Variants in NTRK2 observed in about 807,000 individuals in gnomAD.
NTRK2 encodes the protein BDNF/NT-3 growth factors receptor.
A neutral mutation model predicts 94.5 loss-of-function variants in NTRK2; 13 were observed. The ratio of observed to expected loss-of-function variants is 0.14; its 90% CI spans 0.09 to 0.22. The LOEUF (loss-of-function observed/expected upper bound fraction) is 0.22, where lower values mean the gene tolerates loss of function less well. Among genes scored for constraint, NTRK2 ranks in the 10% least tolerant of loss-of-function variants. NTRK2 has a pLI of 1.00. For missense variants in NTRK2, 639 were observed against 1,071.2 expected, an observed-to-expected ratio of 0.60 and a Z score of 5.63; for synonymous variants, 372 against 407.4, an observed-to-expected ratio of 0.91 and a Z score of 1.05.
Position 84,801,415 on chromosome 9 carries a change from C to G in NTRK2, c.1396+49330C>G, listed in dbSNP as rs181724575. ...GTGGTACTAGTTAGTACAGACAGTC[C>G]CTGACTTAGGATGGTTCAACTTAGA... is the stretch of plus-strand genomic sequence containing the variant. On this transcript the variant is annotated intron_variant, in intron 12 of 18. Coordinates refer to ENST00000277120, the MANE Select transcript of NTRK2 (RefSeq NM_006180.6). Among the ~76,000 whole-genome samples the G allele has an allele frequency of 2.2e-3, 328 of 152,126 alleles. 3 individuals are homozygous for G. Among genetic ancestry groups the G allele is most frequent in the African/African-American group, 7.6e-3 (317 of 41,498 alleles).
At position 85,026,488 on chromosome 9, in the gene NTRK2, C is replaced by G; in HGVS notation, c.*5051C>G. On this transcript the variant is annotated 3_prime_UTR_variant, in exon 19 of 19. Coordinates refer to ENST00000277120, the MANE Select transcript of NTRK2 (RefSeq NM_006180.6). ...TTGCAGCTTGTATATCTTACTATTG[C>G]TTAAAAAATGTATAAAGCAGCTGGA... The G allele has an allele frequency of 4.3e-6, 1 of 232,276 alleles. No individual in the cohort carries two copies. Among genetic ancestry groups the G allele is most frequent in the Non-Finnish European group, 8.5e-6 (1 of 117,474 alleles). 14.4% of individuals were successfully genotyped at this position (232,276 alleles called of 1,614,324 possible).
chr9:84,894,296 C>A (rs185094362), intron 14 of NTRK2, among the ~76,000 whole-genome samples: 146 of 152,284 alleles, frequency 9.6e-4, no homozygotes, highest in African/African-American at 3.4e-3. Flanking sequence ...TGTAGTTTAA[C>A]GCGACACAGT....
chr9:84,972,683 A>G (rs925653673), intron 17 of NTRK2, among the ~76,000 whole-genome samples: 1 of 152,228 alleles, frequency 6.6e-6, no homozygotes, highest in Non-Finnish European at 1.5e-5. Flanking sequence ...AGTTTTAGAA[A>G]TGAATTCCTA....
At chr9:84,715,734 A>ACTT (rs2061674940) in intron 6 of NTRK2, among the ~76,000 whole-genome samples, 2 of 152,094 alleles carry the variant, frequency 1.3e-5, no homozygotes, top group African/African-American at 4.8e-5. Context: ...TCTCCCTGCT[A>ACTT]CTTCTTCAAG....
intron 12 of NTRK2, among the ~76,000 whole-genome samples, chr9:84,828,192 G>A (rs746509002): frequency 6.6e-6 from 1 of 152,042 alleles, no homozygotes; most frequent in Non-Finnish European, 1.5e-5. Context: ...TACATTTTTG[G>A]CATTACATCT....
chr9:84,979,954 C>T lies in NTRK2; in HGVS notation c.2172+24437C>T, dbSNP rs137864642. 2.0e-4 allele frequency among the ~76,000 whole-genome samples: 30 copies of T among 152,292 alleles called. No individual in the cohort carries two copies. The East Asian group carries it at 3.3e-3, about 17-fold the overall frequency. ...CTACATTGTTTTTATTTAGCTATAA[C>T]GCTATTGCATACATAATAAACCACA... On this transcript the variant is annotated intron_variant, in intron 17 of 18. Coordinates refer to ENST00000277120, the MANE Select transcript of NTRK2 (RefSeq NM_006180.6).
intron 12 of NTRK2, among the ~76,000 whole-genome samples, chr9:84,809,583 G>T (rs2071519034): frequency 6.6e-6 from 1 of 151,032 alleles, no homozygotes; most frequent in Non-Finnish European, 1.5e-5. Flanking sequence ...TTTATATTAG[G>T]ATTCTTAGAA....
chr9:84,736,301 C>T (rs998080262), intron 9 of NTRK2, among the ~76,000 whole-genome samples: 2 of 152,174 alleles, frequency 1.3e-5, no homozygotes, highest in African/African-American at 2.4e-5. Context: ...GTCTCCTATG[C>T]GAAATGCGCG....
At position 84,939,068 on chromosome 9, in the gene NTRK2, A is replaced by AAAG. The variant is rs1368397499; in HGVS notation, c.1764+4778_1764+4779insGAA. 8.9e-5 allele frequency among the ~76,000 whole-genome samples: 12 copies of AAAG among 134,540 alleles called. No homozygotes were observed. The East Asian group carries it at 2.6e-3, about 30-fold the overall frequency. 88.3% of individuals were successfully genotyped at this position (134,540 alleles called of 152,430 possible). ...CCCCAACTCAAAAAAAAAAAAAAAAAAAAGAAAAGAAAAGAAAAAAAAAGA... is the reference window on the plus strand; with the variant it reads ...CCCCAACTCAAAAAAAAAAAAAAAAAAAGAAAGAAAAGAAAAGAAAAAAAAAGA... On this transcript the variant is annotated intron_variant, in intron 15 of 18. Transcript: ENST00000277120.
At chr9:84,993,549 A>G (rs145381293) in intron 17 of NTRK2, among the ~76,000 whole-genome samples, 1,609 of 152,340 alleles carry the variant, frequency 0.011, 14 homozygotes, top group Middle Eastern at 0.02. Context: ...CTCCCACTGC[A>G]ATCCCTACTC....
At chr9:84,792,023 G>A (rs566677669) in intron 12 of NTRK2, among the ~76,000 whole-genome samples, 1 of 152,312 alleles carries the variant, frequency 6.6e-6, no homozygotes, top group South Asian at 2.1e-4. Flanking sequence ...TTTATTCCCA[G>A]TTTTCATCAT....
intron 12 of NTRK2, among the ~76,000 whole-genome samples, chr9:84,806,150 G>A (rs1489738522): frequency 6.6e-6 from 1 of 152,182 alleles, no homozygotes; most frequent in Non-Finnish European, 1.5e-5. Context: ...ATGTATAGAT[G>A]TGCTCCCTCT....
Position 84,690,446 on chromosome 9 carries a change from G to A in NTRK2, c.213-11713G>A, listed in dbSNP as rs908320862. Among the ~76,000 whole-genome samples, 24 of 152,210 alleles carry A rather than the reference G, an allele frequency of 1.6e-4. 1 individual carries two copies. Among genetic ancestry groups the A allele is most frequent in the Middle Eastern group, 6.8e-3 (2 of 294 alleles). On this transcript the variant is annotated intron_variant, in intron 2 of 18. Transcript: ENST00000277120. The stretch of plus-strand genomic sequence containing the variant: ...TTTTTAGAATTCTTACAGTCCAGGC[G>A]AATCATTGGAGATTCTTCTTCAAGA...
At chr9:85,003,508 G>T (rs763977008) in intron 17 of NTRK2, among the ~76,000 whole-genome samples, 1 of 152,134 alleles carries the variant, frequency 6.6e-6, no homozygotes. Context: ...TGCCCCGTGT[G>T]GTAGGCAAGG....
chr9:84,751,815 G>A (rs2064643603), intron 11 of NTRK2, among the ~76,000 whole-genome samples, 171 bp from the exon 12 acceptor site: 1 of 152,126 alleles, frequency 6.6e-6, no homozygotes, highest in Non-Finnish European at 1.5e-5. Flanking sequence ...TCACTATAGG[G>A]TTGTCGCAGA....
chr9:84,931,721 A>C (rs2078038762), intron 14 of NTRK2, among the ~76,000 whole-genome samples: 1 of 151,522 alleles, frequency 6.6e-6, no homozygotes, highest in Admixed American at 6.6e-5. Flanking sequence ...AAATGCAAAA[A>C]AAAAAAAAAC....
intron 9 of NTRK2, among the ~76,000 whole-genome samples, chr9:84,730,762 T>TAAAAAAA (rs2062809225): frequency 1.5e-4 from 1 of 6,640 alleles, no homozygotes; most frequent in Non-Finnish European, 2.5e-4. Flanking sequence ...AAAAAAAAAC[T>TAAAAAAA]AAAGAAAAAT....
intron 12 of NTRK2, among the ~76,000 whole-genome samples, chr9:84,844,860 CA>C (rs1246796350): frequency 6.6e-6 from 1 of 150,628 alleles, no homozygotes; most frequent in African/African-American, 2.4e-5. Flanking sequence ...TCCATGTAAC[CA>C]AAAAACACCT....
chr9:84,885,451 T>C (rs1156867616), intron 14 of NTRK2, among the ~76,000 whole-genome samples: 1 of 152,204 alleles, frequency 6.6e-6, no homozygotes, highest in Non-Finnish European at 1.5e-5. Context: ...CTGCATCCGG[T>C]GTTCTTTGTA....
Sources: allele counts gnomAD v4.1 joint callset (sites outside exome capture counted in the v4.1 genomes callset), GRCh38; gene constraint gnomAD v4.1.1; transcripts MANE v1.5; gene names NCBI Gene and HGNC (gene_info 2026-07-23, HGNC 2026-07-21).